DTNA: variants seen among roughly 807,000 people sequenced by gnomAD.
The protein encoded by DTNA is dystrobrevin alpha.
DTNA carries 43 observed loss-of-function variants against 100.7 expected under a neutral mutation model. That is an observed-to-expected ratio of 0.43 (90% CI 0.33 to 0.55). The LOEUF (loss-of-function observed/expected upper bound fraction) is 0.55, where lower values mean the gene tolerates loss of function less well. DTNA is among the 20% of genes least tolerant of loss of function. The pLI is 0.04. For missense variants in DTNA, 798 were observed against 953.9 expected, an observed-to-expected ratio of 0.84 and a Z score of 2.15; for synonymous variants, 349 against 347.9, an observed-to-expected ratio of 1.00 and a Z score of -0.04.
chr18:34,890,280 C>A lies in DTNA; in HGVS notation c.*2546C>A. 2 of 1,528,918 alleles carry A rather than the reference C, an allele frequency of 1.3e-6. No homozygotes were observed. Among genetic ancestry groups the A allele is most frequent in the Non-Finnish European group, 8.8e-7 (1 of 1,142,068 alleles). The allele number at this position is 1,528,918 out of a possible 1,614,324, so 94.7% of individuals were successfully genotyped here. On this transcript the variant is annotated 3_prime_UTR_variant, in exon 23 of 23. Coordinates refer to ENST00000444659, the MANE Select transcript of DTNA (RefSeq NM_001386795.1). The stretch of plus-strand genomic sequence containing the variant: ...CAATGACCAATTTCTGACTAACCAG[C>A]CACCTTTTCTCTCTCTTAGCTCCAC...
At chr18:34,797,784 C>T (rs748974311) in intron 4 of DTNA, among the ~76,000 whole-genome samples, 2 of 152,144 alleles carry the variant, frequency 1.3e-5, no homozygotes, top group Non-Finnish European at 2.9e-5. Context: ...AAGTTGATCA[C>T]CTTTCCACAG....
intron 21 of DTNA, among the ~76,000 whole-genome samples, chr18:34,883,769 A>G (rs1180389880): frequency 6.6e-6 from 1 of 152,202 alleles, no homozygotes; most frequent in Non-Finnish European, 1.5e-5. Context: ...ACGGAAGCCC[A>G]CCAATTCCAT....
chr18:34,633,907 A>C (rs1306168840), intron 1 of DTNA, among the ~76,000 whole-genome samples: 1 of 152,248 alleles, frequency 6.6e-6, no homozygotes, highest in East Asian at 1.9e-4. Context: ...AAGTAGGAAT[A>C]ATATCAATTT....
chr18:34,746,901 A>G (rs2091669969), intron 1 of DTNA, among the ~76,000 whole-genome samples: 1 of 152,142 alleles, frequency 6.6e-6, no homozygotes, highest in Non-Finnish European at 1.5e-5. Flanking sequence ...GCCAAATGTC[A>G]TCAAATGAAA....
chr18:34,842,681 T>C (rs1296991413), intron 13 of DTNA, among the ~76,000 whole-genome samples: 56 of 152,318 alleles, frequency 3.7e-4, no homozygotes, highest in Non-Finnish European at 2.5e-4. Flanking sequence ...AGAACATTCT[T>C]TCCCATTTCA....
At chr18:34,558,547 A>C (rs1568654108) in intron 1 of DTNA, among the ~76,000 whole-genome samples, 1 of 152,234 alleles carries the variant, frequency 6.6e-6, no homozygotes, top group Non-Finnish European at 1.5e-5. Context: ...TGGAGGGAAA[A>C]TAATACACAA....
At chr18:34,724,609 T>G (rs969001070) in intron 1 of DTNA, among the ~76,000 whole-genome samples, 2 of 151,800 alleles carry the variant, frequency 1.3e-5, no homozygotes, top group Non-Finnish European at 1.5e-5. Flanking sequence ...AGGGGAGAGG[T>G]GCCAGGCTCT....
At chr18:34,870,157 T>A (rs1041433479) in intron 17 of DTNA, among the ~76,000 whole-genome samples, 6 of 152,252 alleles carry the variant, frequency 3.9e-5, no homozygotes, top group Non-Finnish European at 7.3e-5. Context: ...GAAGATAATG[T>A]CTATACATTG....
At chr18:34,580,658 A>G (rs1231796343) in intron 1 of DTNA, among the ~76,000 whole-genome samples, 1 of 152,188 alleles carries the variant, frequency 6.6e-6, no homozygotes, top group African/African-American at 2.4e-5. Flanking sequence ...CCATCCTGCC[A>G]ATGTTTCTGG....
At position 34,851,809 on chromosome 18, in the gene DTNA, T is replaced by A. The variant is rs554741111; in HGVS notation, c.1435-22T>A. The A allele has an allele frequency of 8.1e-6, 13 of 1,612,818 alleles. No homozygotes were observed. The South Asian group carries it at 1.4e-4, about 18-fold the overall frequency. On this transcript the variant is annotated intron_variant, in intron 14 of 22. Transcript: ENST00000444659. Reference sequence around the variant, plus strand: ...AGGTTCACATTCTCAATATGAAATCTTATAAACTACATATTTTACAGCAGC... The same window carrying A: ...AGGTTCACATTCTCAATATGAAATCATATAAACTACATATTTTACAGCAGC...
intron 1 of DTNA, among the ~76,000 whole-genome samples, chr18:34,691,125 T>C (rs2079692563): frequency 6.6e-6 from 1 of 152,200 alleles, no homozygotes; most frequent in South Asian, 2.1e-4. Flanking sequence ...TTTGTATTAC[T>C]TAAAAACATT....
chr18:34,725,446 CAG>C (rs1435563692), intron 1 of DTNA, among the ~76,000 whole-genome samples: 2 of 149,624 alleles, frequency 1.3e-5, no homozygotes, highest in African/African-American at 2.4e-5. Context: ...AGGATATGAA[CAG>C]ACACTTCTCA....
Position 34,820,890 on chromosome 18 carries a change from A to AAGCC in DTNA, c.978_981dup (p.Leu328AlafsTer39). On this transcript the variant is annotated frameshift_variant, in exon 9 of 23. Coordinates refer to ENST00000444659, the MANE Select transcript of DTNA (RefSeq NM_001386795.1). LOFTEE classifies it high-confidence loss of function. Reference sequence around the variant, plus strand: ...CCCCATGTTCCCAGATCAGCCTGAGAAGCCACTCAACTTGGCTCACATCGT... The same window carrying AAGCC: ...CCCCATGTTCCCAGATCAGCCTGAGAAGCCAGCCACTCAACTTGGCTCACATCGT... 1 of 1,614,140 alleles carries AAGCC rather than the reference A, an allele frequency of 6.2e-7. No homozygotes were observed. The highest frequency in any genetic ancestry group is 8.5e-7 in the Non-Finnish European group (1 of 1,180,000).
At chr18:34,727,568 T>C (rs1183714015) in intron 1 of DTNA, among the ~76,000 whole-genome samples, 1 of 151,942 alleles carries the variant, frequency 6.6e-6, no homozygotes, top group Admixed American at 6.5e-5. Flanking sequence ...AAAATGTCCT[T>C]TTTTTTTCTT....
chr18:34,528,048 A>G (rs2042796812), intron 1 of DTNA, among the ~76,000 whole-genome samples: 1 of 152,008 alleles, frequency 6.6e-6, no homozygotes, highest in African/African-American at 2.4e-5. Flanking sequence ...TTTTTTATTT[A>G]ATTCTATTTT....
Position 34,576,941 on chromosome 18 carries a change from C to CTA in DTNA, c.-2+83428_-2+83429dup, listed in dbSNP as rs1160837498. Among the ~76,000 whole-genome samples the CTA allele has an allele frequency of 8.5e-5, 13 of 152,226 alleles. No homozygotes were observed. The East Asian group carries it at 2.3e-3, about 27-fold the overall frequency. ...CCACATTTTGTATCAGACTTCTAGG[C>CTA]TACAGCCTTAGAGATACAACTTGCC... On this transcript the variant is annotated intron_variant, in intron 1 of 19. Coordinates refer to the DTNA transcript ENST00000283365.
In DTNA at chr18:34,879,832, C is replaced by G. The variant is rs2096854610; in HGVS notation, c.2162+113C>G. The G allele has an allele frequency of 1.1e-5, 15 of 1,353,810 alleles. No homozygotes were observed. The South Asian group carries it at 1.9e-4, about 17-fold the overall frequency. 83.9% of individuals were successfully genotyped at this position (1,353,810 alleles called of 1,614,324 possible). A position where few individuals can be genotyped will look rare whatever the true frequency, so the allele number is the denominator to read the frequency against. ...TTTTTTTAACCTTCAGAAGGGGTGA[C>G]ATAGTTTTCTGTTCTGCCAGAGATA... On this transcript the variant is annotated intron_variant, in intron 20 of 22. Coordinates refer to ENST00000444659, the MANE Select transcript of DTNA (RefSeq NM_001386795.1).
intron 17 of DTNA, among the ~76,000 whole-genome samples, chr18:34,874,089 C>A (rs2096791898): frequency 6.6e-6 from 1 of 152,194 alleles, no homozygotes; most frequent in South Asian, 2.1e-4. Flanking sequence ...GGAGAGCTAA[C>A]AGCATGGCAT....
At chr18:34,740,376 G>A (rs745689639) in intron 1 of DTNA, among the ~76,000 whole-genome samples, 8 of 152,128 alleles carry the variant, frequency 5.3e-5, no homozygotes, top group Non-Finnish European at 1.2e-4. Flanking sequence ...TGTTCACTCT[G>A]GGACACTTAG....
Sources: gnomAD v4.1 joint callset for allele counts (sites outside exome capture counted in the v4.1 genomes callset) on GRCh38, gnomAD v4.1.1 for gene constraint, MANE v1.5 for transcripts, NCBI Gene and HGNC (gene_info 2026-07-23, HGNC 2026-07-21) for gene names.